The following PSAT1 variants were observed in gnomAD, a reference collection of about 807,000 sequenced individuals.
PSAT1 encodes phosphoserine aminotransferase 1, also known as phosphoserine aminotransferase.
In PSAT1, 41 loss-of-function variants were observed where a neutral mutation model predicts 40.3. That is an observed-to-expected ratio of 1.02 (90% CI 0.79 to 1.32). The LOEUF (loss-of-function observed/expected upper bound fraction) is 1.32. Ranked by LOEUF, PSAT1 falls within the 40% of genes most tolerant of loss-of-function variation. The pLI is 0.00. For synonymous variants in PSAT1, 147 were observed against 170.5 expected (o/e 0.86, Z 1.07); for missense variants, 406 against 455.8 (o/e 0.89, Z 0.99).
intron 5 of PSAT1, among the ~76,000 whole-genome samples, chr9:78,307,312 G>A (rs546939758): frequency 6.6e-6 from 1 of 152,174 alleles, no homozygotes; most frequent in South Asian, 2.1e-4. Context: ...TTTGTGTCTG[G>A]CTTATTGCAC....
chr9:78,302,682 C>T (rs913241662), intron 3 of PSAT1, among the ~76,000 whole-genome samples: 14 of 145,986 alleles, frequency 9.6e-5, no homozygotes, highest in South Asian at 2.1e-4. Context: ...TGCAGTGAGC[C>T]GAGACCGTGC....
rs1828550017 is a variant in PSAT1 at position 78,329,461 on chromosome 9, C to G, written c.*375C>G. On this transcript the variant is annotated 3_prime_UTR_variant, in exon 9 of 9. Transcript: ENST00000376588. ...ACACACAGCACAGAGGGTAGGGGGG[C>G]CCTCTAGGTGCTGAATCTACACATC... 3.6e-6 allele frequency: 1 copy of G among 280,146 alleles called. No individual in the cohort carries two copies. Among genetic ancestry groups the G allele is most frequent in the South Asian group, 3.6e-5 (1 of 27,724 alleles). 17.4% of individuals were successfully genotyped at this position (280,146 alleles called of 1,614,324 possible).
At chr9:78,308,715 G>A (rs1369127711) in intron 6 of PSAT1, 132 bp downstream of exon 6, 12 of 1,053,568 alleles carry the variant, frequency 1.1e-5, no homozygotes, top group Non-Finnish European at 1.5e-5. Flanking sequence ...TAGCAATTTG[G>A]GAGGCTGAGG....
At chr9:78,298,324 G>A (rs910875644) in intron 1 of PSAT1, 1 of 985,306 alleles carries the variant, frequency 1.0e-6, no homozygotes, top group South Asian at 4.7e-5. Context: ...ATGAGGCATA[G>A]CCAAGTATTT....
rs1354663173 is a variant in PSAT1, at chr9:78,301,939, T to C, written c.122-15T>C. The C allele has an allele frequency of 6.3e-7, 1 of 1,585,600 alleles. No individual in the cohort carries two copies. The highest frequency in any genetic ancestry group is 1.3e-5 in the African/African-American group (1 of 74,304). Reference sequence around the variant, plus strand: ...CTGGAATATTTGTTATTGTTGTTTATCTTTCCTTTCACAGAAATGAGTCAC... The same window carrying C: ...CTGGAATATTTGTTATTGTTGTTTACCTTTCCTTTCACAGAAATGAGTCAC... On this transcript the variant is annotated splice_polypyrimidine_tract_variant and intron_variant, in intron 2 of 8. Coordinates refer to ENST00000376588, the MANE Select transcript of PSAT1 (RefSeq NM_058179.4).
chr9:78,325,670 G>A (rs1196288705), intron 7 of PSAT1, among the ~76,000 whole-genome samples: 1 of 152,158 alleles, frequency 6.6e-6, no homozygotes, highest in African/African-American at 2.4e-5. Context: ...GTATAATTGT[G>A]ATTCCCTCCG....
Position 78,317,929 on chromosome 9 carries a change from T to A in PSAT1, c.869+125T>A. The A allele has an allele frequency of 4.1e-6, 5 of 1,216,014 alleles. No individual in the cohort carries two copies. In the South Asian group the frequency reaches 6.1e-5, roughly 15 times the overall value. 75.3% of individuals were successfully genotyped at this position (1,216,014 alleles called of 1,614,324 possible). On this transcript the variant is annotated intron_variant, in intron 7 of 8. Transcript: ENST00000376588. ...AGACATTAAAATACTGGTGAGTGTG[T>A]GTGGTCCTGGGCCCCATGAGCAGGG... is the stretch of plus-strand genomic sequence containing the variant.
intron 7 of PSAT1, among the ~76,000 whole-genome samples, chr9:78,318,883 C>T (rs992479813): frequency 6.6e-6 from 1 of 152,192 alleles, no homozygotes; most frequent in African/African-American, 2.4e-5. Flanking sequence ...ATGGGAAGCA[C>T]CTAGTGCGGT....
At chr9:78,326,955 A>ATATATATATATATATATATTT in intron 7 of PSAT1, among the ~76,000 whole-genome samples, 1 of 75,964 alleles carries the variant, frequency 1.3e-5, no homozygotes, top group African/African-American at 9.5e-5. Context: ...ATATATATAT[A>ATATATATATATATATATATTT]TTTTTTTTTT....
chr9:78,312,002 G>T (rs1051701557), intron 6 of PSAT1, among the ~76,000 whole-genome samples: 5 of 151,388 alleles, frequency 3.3e-5, no homozygotes, highest in Admixed American at 1.3e-4. Flanking sequence ...TCAGAACTTT[G>T]TATCACATAG....
intron 5 of PSAT1, among the ~76,000 whole-genome samples, chr9:78,306,719 C>A (rs898616545): frequency 1.3e-5 from 2 of 152,158 alleles, no homozygotes; most frequent in African/African-American, 4.8e-5. Flanking sequence ...CCACTCGAGT[C>A]CTTGGGGAAC....
At chr9:78,316,811 C>T (rs1314206624) in intron 6 of PSAT1, among the ~76,000 whole-genome samples, 1 of 152,202 alleles carries the variant, frequency 6.6e-6, no homozygotes, top group Non-Finnish European at 1.5e-5. Flanking sequence ...CCCTCGGCCA[C>T]AGTGCTCTCT....
chr9:78,315,257 T>C (rs1828324817), intron 6 of PSAT1, among the ~76,000 whole-genome samples: 1 of 152,156 alleles, frequency 6.6e-6, no homozygotes, highest in Non-Finnish European at 1.5e-5. Context: ...CTTGCATTCT[T>C]GGAGTCAGAC....
chr9:78,310,752 C>T (rs937383876), intron 6 of PSAT1, among the ~76,000 whole-genome samples: 104 of 151,986 alleles, frequency 6.8e-4, no homozygotes, highest in Non-Finnish European at 1.3e-4. Flanking sequence ...GGAGTACAGA[C>T]GCCTGCCACC....
rs1554688170 is a variant in PSAT1 at position 78,326,955 on chromosome 9, A to ATTT, written c.870-1080_870-1078dup. On this transcript the variant is annotated intron_variant, in intron 7 of 8. Transcript: ENST00000376588. ...CAGCAATATATATATATATATATATATTTTTTTTTTTTTTTTTTGAGACAG... is the reference window on the plus strand; with the variant it reads ...CAGCAATATATATATATATATATATATTTTTTTTTTTTTTTTTTTTTGAGACAG... Among the ~76,000 whole-genome samples the ATTT allele has an allele frequency of 3.2e-3, 241 of 75,926 alleles. 8 individuals are homozygous for ATTT. Among genetic ancestry groups the ATTT allele is most frequent in the East Asian group, 8.0e-3 (19 of 2,372 alleles). 49.8% of individuals were successfully genotyped at this position (75,926 alleles called of 152,430 possible). A position where few individuals can be genotyped will look rare whatever the true frequency, so the allele number is the denominator to read the frequency against.
At chr9:78,315,875 C>A (rs1300627182) in intron 6 of PSAT1, among the ~76,000 whole-genome samples, 2 of 152,242 alleles carry the variant, frequency 1.3e-5, no homozygotes, top group Admixed American at 1.3e-4. Flanking sequence ...AAGGAGGAAG[C>A]AGCTGGGTAT....
intron 1 of PSAT1, among the ~76,000 whole-genome samples, chr9:78,299,514 C>CTTTTTTTTTTTTTTTTTTTTTTTTTTTT (rs57722137): frequency 8.4e-6 from 1 of 118,524 alleles, no homozygotes; most frequent in Non-Finnish European, 1.6e-5. Context: ...TAATCTAATT[C>CTTTTTTTTTTTTTTTTTTTTTTTTTTTT]TTTTTTTTTT....
intron 6 of PSAT1, among the ~76,000 whole-genome samples, chr9:78,312,091 C>G (rs1454730842): frequency 1.3e-5 from 2 of 151,114 alleles, no homozygotes; most frequent in East Asian, 3.9e-4. Context: ...ACCATAGGCC[C>G]TGGGAACTTT....
chr9:78,314,795 T>C (rs1361800024), intron 6 of PSAT1, among the ~76,000 whole-genome samples: 2 of 151,882 alleles, frequency 1.3e-5, no homozygotes, highest in Non-Finnish European at 2.9e-5. Flanking sequence ...GGACCTGACA[T>C]GGGCCTTGCT....
Sources: gnomAD v4.1 joint callset for allele counts (sites outside exome capture counted in the v4.1 genomes callset) on GRCh38, gnomAD v4.1.1 for gene constraint, MANE v1.5 for transcripts, NCBI Gene and HGNC (gene_info 2026-07-23, HGNC 2026-07-21) for gene names.